Variants in DPYD observed in about 807,000 individuals in gnomAD.
DPYD encodes dihydropyrimidine dehydrogenase [NADP(+)].
Under a neutral mutation model 116.2 loss-of-function variants are expected in DPYD, and 109 were observed. The ratio of observed to expected loss-of-function variants is 0.94; its 90% confidence interval spans 0.80 to 1.10. DPYD has a LOEUF of 1.10. DPYD is among the 50% of genes least tolerant of loss of function. The pLI is 0.00. For synonymous variants in DPYD, 440 were observed against 432.0 expected, an observed-to-expected ratio of 1.02 and a Z score of -0.23; for missense variants, 1,302 against 1,254.5, an observed-to-expected ratio of 1.04 and a Z score of -0.57.
At chr1:97,644,931 C>T (rs897835684) in intron 8 of DPYD, among the ~76,000 whole-genome samples, 1 of 152,018 alleles carries the variant, frequency 6.6e-6, no homozygotes, top group African/African-American at 2.4e-5. Context: ...TTTTTTAATG[C>T]ATACACAAGA....
At chr1:97,221,353 T>C (rs1192641496) in intron 19 of DPYD, among the ~76,000 whole-genome samples, 1 of 124,798 alleles carries the variant, frequency 8.0e-6, no homozygotes, top group East Asian at 5.3e-4. Flanking sequence ...TGGTTCCTAG[T>C]CCTACTGGAA....
At chr1:97,154,763 G>A (rs138998493) in intron 20 of DPYD, among the ~76,000 whole-genome samples, 1 of 151,808 alleles carries the variant, frequency 6.6e-6, no homozygotes, top group Non-Finnish European at 1.5e-5. Flanking sequence ...GTGAGAGGGG[G>A]GTGAGGGATA....
chr1:97,228,484 A>G (rs1258355196), intron 19 of DPYD, among the ~76,000 whole-genome samples: 1 of 152,178 alleles, frequency 6.6e-6, no homozygotes, highest in Non-Finnish European at 1.5e-5. Context: ...GAAATTACTA[A>G]TTTGAGTGTA....
intron 4 of DPYD, among the ~76,000 whole-genome samples, chr1:97,722,416 A>G (rs1662974011): frequency 6.6e-6 from 1 of 151,566 alleles, no homozygotes; most frequent in South Asian, 2.1e-4. Flanking sequence ...ATAATCATAT[A>G]TCAATATTAT....
chr1:97,515,969 T>C lies in DPYD; in HGVS notation c.1525-28A>G, dbSNP rs376779473. On this transcript the variant is annotated intron_variant, in intron 12 of 22. Transcript: ENST00000370192. The stretch of plus-strand genomic sequence containing the variant: ...GCAAAATACAAACCAATACTTGGTT[T>C]CATATTACATCTAAATTGTCCATAT... 883 of 1,586,978 alleles carry C rather than the reference T, an allele frequency of 5.6e-4. 1 individual carries two copies. The highest frequency in any genetic ancestry group is 7.2e-4 in the Non-Finnish European group (833 of 1,157,086).
intron 18 of DPYD, among the ~76,000 whole-genome samples, chr1:97,244,418 T>C (rs1397787875): frequency 6.6e-6 from 1 of 152,008 alleles, no homozygotes; most frequent in Non-Finnish European, 1.5e-5. Flanking sequence ...AACAGTACAG[T>C]GAGCACATTC....
At chr1:97,852,376 TTTTA>T (rs1309149102) in intron 2 of DPYD, among the ~76,000 whole-genome samples, 1 of 152,086 alleles carries the variant, frequency 6.6e-6, no homozygotes, top group Non-Finnish European at 1.5e-5. Context: ...TTCATCCTCA[TTTTA>T]TAAATGAGGA....
At chr1:97,346,775 AGTTCTGT>A (rs1669870038) in intron 16 of DPYD, among the ~76,000 whole-genome samples, 1 of 151,874 alleles carries the variant, frequency 6.6e-6, no homozygotes, top group South Asian at 2.1e-4. Flanking sequence ...TATCTTTACG[AGTTCTGT>A]GTTCTGCGAG....
intron 19 of DPYD, among the ~76,000 whole-genome samples, chr1:97,224,506 C>T (rs187928110): frequency 6.6e-6 from 1 of 151,864 alleles, no homozygotes; most frequent in East Asian, 1.9e-4. Flanking sequence ...CATTTTTTTT[C>T]TGGTGGTAAG....
At position 97,098,023 on chromosome 1, in the gene DPYD, T is replaced by A. The variant is rs1650391040; in HGVS notation, c.2766+466A>T. Among the ~76,000 whole-genome samples the A allele has an allele frequency of 3.3e-5, 5 of 152,254 alleles. No homozygotes were observed. The South Asian group carries it at 1.0e-3, about 32-fold the overall frequency. On this transcript the variant is annotated intron_variant, in intron 21 of 22. Transcript: ENST00000370192. ...TTTTTGTTATTACCAGAAAATAATCTCCTGAGACCCAAATAAATGTCCAGG... is the reference window on the plus strand; with the variant it reads ...TTTTTGTTATTACCAGAAAATAATCACCTGAGACCCAAATAAATGTCCAGG...
At chr1:97,803,584 G>C (rs752624319) in intron 3 of DPYD, among the ~76,000 whole-genome samples, 2 of 151,774 alleles carry the variant, frequency 1.3e-5, no homozygotes, top group Non-Finnish European at 2.9e-5. Context: ...AAAAAACAGA[G>C]AGATGAGAAA....
At chr1:97,691,906 T>A in intron 6 of DPYD, 108 bp from the exon 7 acceptor site, 1 of 831,220 alleles carries the variant, frequency 1.2e-6, no homozygotes, top group East Asian at 2.6e-5. Flanking sequence ...AAAATAAATA[T>A]CTCTTCCAAG....
At chr1:97,145,744 T>A (rs1364980363) in intron 20 of DPYD, among the ~76,000 whole-genome samples, 1 of 35,342 alleles carries the variant, frequency 2.8e-5, no homozygotes, top group Admixed American at 2.1e-4. Context: ...ATTGTGTGGG[T>A]TTTTTTTTTT....
intron 13 of DPYD, among the ~76,000 whole-genome samples, chr1:97,469,056 T>C (rs1432810648): frequency 6.6e-6 from 1 of 152,172 alleles, no homozygotes; most frequent in African/African-American, 2.4e-5. Flanking sequence ...GTGATCCTAA[T>C]GGCCCTCTGT....
At chr1:97,367,548 G>A (rs1341765897) in intron 16 of DPYD, among the ~76,000 whole-genome samples, 1 of 152,060 alleles carries the variant, frequency 6.6e-6, no homozygotes, top group Admixed American at 6.6e-5. Context: ...GCATAGAATT[G>A]AACAATATGA....
intron 2 of DPYD, among the ~76,000 whole-genome samples, chr1:97,838,978 C>T (rs994004777): frequency 6.6e-6 from 1 of 152,140 alleles, no homozygotes; most frequent in Non-Finnish European, 1.5e-5. Flanking sequence ...AACTAGAATC[C>T]GTGATTTCCG....
chr1:97,841,295 T>C (rs1041601667), intron 2 of DPYD, among the ~76,000 whole-genome samples: 1 of 152,048 alleles, frequency 6.6e-6, no homozygotes, highest in Non-Finnish European at 1.5e-5. Context: ...TTCCCTGAAC[T>C]GATCCTTTTA....
intron 16 of DPYD, among the ~76,000 whole-genome samples, chr1:97,318,524 G>A (rs993984048): frequency 1.4e-4 from 21 of 151,942 alleles, no homozygotes; most frequent in Non-Finnish European, 2.5e-4. Flanking sequence ...TCAACAAGAG[G>A]AGCTAACTAT....
chr1:97,571,859 C>A (rs988607100), intron 11 of DPYD, among the ~76,000 whole-genome samples: 22 of 151,886 alleles, frequency 1.4e-4, no homozygotes, highest in Admixed American at 3.3e-4. Flanking sequence ...TTCTAACAAA[C>A]ACTGCTTCTG....
Sources: gnomAD v4.1 joint callset for allele counts (sites outside exome capture counted in the v4.1 genomes callset) on GRCh38, gnomAD v4.1.1 for gene constraint, MANE v1.5 for transcripts, NCBI Gene and HGNC (gene_info 2026-07-23, HGNC 2026-07-21) for gene names.